MTCL3: variants seen among roughly 807,000 people sequenced by gnomAD.
The protein encoded by MTCL3 is microtubule cross-linking factor 3.
At chr6:127,494,344 G>A in the MTCL3 span, among the ~76,000 whole-genome samples, 1 of 151,996 alleles carries the variant, frequency 6.6e-6, no homozygotes. Context: ...ATATAAGAGA[G>A]CTTAAAAACC....
chr6:127,505,406 C>G, the MTCL3 span, among the ~76,000 whole-genome samples: 1 of 152,192 alleles, frequency 6.6e-6, no homozygotes, highest in Non-Finnish European at 1.5e-5. Flanking sequence ...CCTTAGCAAA[C>G]TAACACAGGA....
the MTCL3 span, among the ~76,000 whole-genome samples, chr6:127,491,625 C>T: frequency 1.1e-4 from 17 of 151,960 alleles, no homozygotes; most frequent in African/African-American, 4.1e-4. Context: ...TAAAACAGAA[C>T]CTGCAATATC....
At chr6:127,476,089 C>T in the MTCL3 span, 1 of 1,613,966 alleles carries the variant, frequency 6.2e-7, no homozygotes, top group Admixed American at 1.7e-5. The surrounding 1 kb of genome is among the most constrained non-coding windows in gnomAD (Gnocchi z 4.4). Context: ...CAGGTGCTGC[C>T]GCAGCTCCGA....
chr6:127,514,149 A>C, the MTCL3 span, among the ~76,000 whole-genome samples: 2 of 152,226 alleles, frequency 1.3e-5, no homozygotes, highest in Non-Finnish European at 2.9e-5. Flanking sequence ...CTGTCTAGAA[A>C]ATGCACTTCA....
the MTCL3 span, chr6:127,516,793 T>C: frequency 1.4e-5 from 15 of 1,102,386 alleles, no homozygotes; most frequent in East Asian, 2.7e-5. Context: ...TGGCGCTTAA[T>C]AGAAGCTTTG....
At chr6:127,505,219 G>A in the MTCL3 span, among the ~76,000 whole-genome samples, 2 of 152,178 alleles carry the variant, frequency 1.3e-5, no homozygotes, top group Non-Finnish European at 2.9e-5. Context: ...AGTAGCAATG[G>A]CGAGATAACT....
chr6:127,481,576 T>G, the MTCL3 span: 3 of 648,858 alleles, frequency 4.6e-6, no homozygotes, highest in African/African-American at 4.0e-5. Context: ...TGAGATCAAC[T>G]TTTTCAAATT....
At chr6:127,519,139 T>A in the MTCL3 span, 7 of 152,388 alleles carry the variant, frequency 4.6e-5, no homozygotes, top group East Asian at 1.2e-3. Context: ...AACTCCTTGC[T>A]CTATTCTCTT....
the MTCL3 span, among the ~76,000 whole-genome samples, chr6:127,484,295 A>G: frequency 6.6e-6 from 1 of 152,220 alleles, no homozygotes; most frequent in Non-Finnish European, 1.5e-5. Flanking sequence ...TTCATTCAGT[A>G]TGAAACTGAA....
chr6:127,477,257 A>G, the MTCL3 span, among the ~76,000 whole-genome samples: 45,510 of 152,126 alleles, frequency 0.3, 7,547 homozygotes, highest in Middle Eastern at 0.39. Flanking sequence ...AAAGCCTGGC[A>G]AAAGAATAGT....
At chr6:127,503,062 A>G in the MTCL3 span, among the ~76,000 whole-genome samples, 1 of 152,320 alleles carries the variant, frequency 6.6e-6, no homozygotes, top group Non-Finnish European at 1.5e-5. Context: ...ACCCTAGAGT[A>G]TTATAGAGGA....
chr6:127,512,224 TGAA>T, the MTCL3 span, among the ~76,000 whole-genome samples: 2 of 152,068 alleles, frequency 1.3e-5, no homozygotes, highest in African/African-American at 4.8e-5. Flanking sequence ...ATAGCTGACA[TGAA>T]GGAGAACTTT....
At chr6:127,518,968 T>A in the MTCL3 span, 1 of 142,104 alleles carries the variant, frequency 7.0e-6, no homozygotes, top group Non-Finnish European at 1.5e-5. Flanking sequence ...AAGGCGGGAT[T>A]GCAAGGGACG....
chr6:127,478,317 A>G, the MTCL3 span, among the ~76,000 whole-genome samples: 1 of 152,228 alleles, frequency 6.6e-6, no homozygotes, highest in African/African-American at 2.4e-5. Context: ...ATGTACTCCC[A>G]TCAATCTAAA....
the MTCL3 span, among the ~76,000 whole-genome samples, chr6:127,498,896 T>A: frequency 1.5e-4 from 23 of 152,286 alleles, no homozygotes; most frequent in African/African-American, 5.5e-4. Context: ...AATAGATTAG[T>A]GGCTGATTGG....
At chr6:127,479,402 C>T in the MTCL3 span, among the ~76,000 whole-genome samples, 1 of 152,132 alleles carries the variant, frequency 6.6e-6, no homozygotes. Flanking sequence ...ATTTGACATG[C>T]AAGAGTAGAT....
chr6:127,518,484 G>A, the MTCL3 span: 2 of 152,166 alleles, frequency 1.3e-5, no homozygotes, highest in Non-Finnish European at 2.9e-5. Context: ...ACCCCTGCAC[G>A]GCTTAGACCA....
At chr6:127,476,091 C>G in the MTCL3 span, 1 of 1,614,068 alleles carries the variant, frequency 6.2e-7, no homozygotes, top group Non-Finnish European at 8.5e-7. The surrounding 1 kb of genome is among the most constrained non-coding windows in gnomAD (Gnocchi z 4.4). Flanking sequence ...GGTGCTGCCG[C>G]AGCTCCGACA....
chr6:127,497,897 A>G, the MTCL3 span, among the ~76,000 whole-genome samples: 18 of 152,230 alleles, frequency 1.2e-4, no homozygotes, highest in Non-Finnish European at 2.6e-4. Context: ...ATCCACATGC[A>G]AAAAGATGAA....
Sources: gnomAD v4.1 joint callset for allele counts (sites outside exome capture counted in the v4.1 genomes callset) on GRCh38, gnomAD v4.1.1 for gene constraint, Gnocchi (gnomAD v3.1) non-coding constraint, MANE v1.5 for transcripts, NCBI Gene and HGNC (gene_info 2026-07-23, HGNC 2026-07-21) for gene names.